The following L3HYPDH variants were observed in gnomAD, a reference collection of about 807,000 sequenced individuals.
L3HYPDH encodes trans-3-hydroxy-L-proline dehydratase.
L3HYPDH carries 32 observed loss-of-function variants against 26.5 expected under a neutral mutation model. The ratio of observed to expected loss-of-function variants is 1.21; its 90% confidence interval spans 0.91 to 1.62. The LOEUF is 1.62. L3HYPDH is among the 40% of genes most tolerant of loss of function. The pLI is 0.00. For synonymous variants in L3HYPDH, 215 were observed against 196.6 expected (o/e 1.09, Z -0.78); for missense variants, 554 against 476.4 (o/e 1.16, Z -1.52).
At chr14:59,490,843 G>A in the L3HYPDH span, among the ~76,000 whole-genome samples, 1 of 152,198 alleles carries the variant, frequency 6.6e-6, no homozygotes, top group East Asian at 1.9e-4. Context: ...TCAGCCCACA[G>A]TAAAGAAGAG....
the L3HYPDH span, chr14:59,503,992 A>G: frequency 1.9e-6 from 3 of 1,613,824 alleles, no homozygotes; most frequent in Middle Eastern, 3.3e-4. Flanking sequence ...TTTGGTACCT[A>G]CACCAGCCCT....
intron 1 of L3HYPDH, among the ~76,000 whole-genome samples, chr14:59,479,602 G>T (rs918192318): frequency 1.3e-5 from 2 of 152,106 alleles, no homozygotes; most frequent in African/African-American, 4.8e-5. Flanking sequence ...AACTCATACA[G>T]ACATATTCAT....
At chr14:59,485,086 C>G (rs755101977), upstream of L3HYPDH, 23 of 1,598,292 alleles carry the variant, frequency 1.4e-5, no homozygotes, top group Admixed American at 1.2e-4. Context: ...AGGAGAAATT[C>G]AACAGTCGCT....
At chr14:59,486,517 A>G (rs1314380588), upstream of L3HYPDH, among the ~76,000 whole-genome samples, 2 of 152,254 alleles carry the variant, frequency 1.3e-5, no homozygotes, top group Non-Finnish European at 2.9e-5. Flanking sequence ...ATTAACAGCA[A>G]GGTTCCAGGA....
At chr14:59,475,826 T>C (rs1358293997) in intron 4 of L3HYPDH, 43 bp downstream of exon 4, 1 of 1,574,846 alleles carries the variant, frequency 6.3e-7, no homozygotes, top group Non-Finnish European at 8.6e-7. Context: ...TCCAGTCTCA[T>C]GAGTGACACA....
the L3HYPDH span, among the ~76,000 whole-genome samples, chr14:59,493,343 A>G: frequency 2.0e-5 from 3 of 152,220 alleles, no homozygotes; most frequent in Non-Finnish European, 2.9e-5. Flanking sequence ...TACTGCAGCC[A>G]TGTGAGTTAG....
At position 59,484,336 on chromosome 14, in the gene L3HYPDH, G is replaced by C. The variant is rs774529631; in HGVS notation, c.-20C>G. 3 of 1,567,380 alleles carry C rather than the reference G, an allele frequency of 1.9e-6. No homozygotes were observed. Among genetic ancestry groups the C allele is most frequent in the South Asian group, 1.2e-5 (1 of 86,142 alleles). On this transcript the variant is annotated 5_prime_UTR_variant, in exon 1 of 5. Transcript: ENST00000247194. ...CTCCATGGTCTGCGTCGGGGGAGAC[G>C]AGTACGGTCCCGCAGCTATGGCTTC...
rs1278008780 is a variant in L3HYPDH at position 59,478,110 on chromosome 14, A to T, written c.678+1072T>A. On this transcript the variant is annotated intron_variant, in intron 2 of 4. Transcript: ENST00000247194. The stretch of plus-strand genomic sequence containing the variant: ...AGGAATTAATGTTCTCTATGAAATA[A>T]GAAAAAGGCTTAAATCTATTCTGTA... Among the ~76,000 whole-genome samples, 3 of 152,246 alleles carry T rather than the reference A, an allele frequency of 2.0e-5. 1 individual carries two copies. The highest frequency in any genetic ancestry group is 7.2e-5 in the African/African-American group (3 of 41,468).
the L3HYPDH span, among the ~76,000 whole-genome samples, chr14:59,494,495 CT>C: frequency 6.6e-6 from 1 of 152,120 alleles, no homozygotes; most frequent in South Asian, 2.1e-4. Flanking sequence ...ATAAGCAAAA[CT>C]AACCAGAATA....
At chr14:59,470,617 G>C (rs566873295), downstream of L3HYPDH, among the ~76,000 whole-genome samples, 1 of 152,166 alleles carries the variant, frequency 6.6e-6, no homozygotes, top group Non-Finnish European at 1.5e-5. Flanking sequence ...AGGGACTAGA[G>C]TTGCCTGTTC....
chr14:59,496,966 AAG>A, the L3HYPDH span, among the ~76,000 whole-genome samples: 15,517 of 151,774 alleles, frequency 0.1, 879 homozygotes, highest in African/African-American at 0.12. Flanking sequence ...AGCACTTCCG[AAG>A]GTTGTAGGGC....
chr14:59,483,076 A>T (rs1483127212), intron 1 of L3HYPDH, among the ~76,000 whole-genome samples: 1 of 152,228 alleles, frequency 6.6e-6, no homozygotes, highest in Non-Finnish European at 1.5e-5. Flanking sequence ...CAATAGGCCT[A>T]GGGAACTTTA....
chr14:59,473,157 G>C, intron 4 of L3HYPDH, 67 bp from the exon 5 acceptor site: 1 of 1,428,814 alleles, frequency 7.0e-7, no homozygotes, highest in Non-Finnish European at 9.4e-7. Flanking sequence ...CTTGAAAACT[G>C]TACTCTTGAC....
At chr14:59,470,491 T>A (rs183534719), downstream of L3HYPDH, among the ~76,000 whole-genome samples, 18 of 152,252 alleles carry the variant, frequency 1.2e-4, no homozygotes, top group African/African-American at 3.6e-4. Flanking sequence ...GAGTTCATGA[T>A]GAAGAGGAGA....
chr14:59,475,762 ATTCTC>A, intron 4 of L3HYPDH, 102 bp downstream of exon 4: 1 of 1,200,198 alleles, frequency 8.3e-7, no homozygotes. Context: ...CTGCTTTAAA[ATTCTC>A]TTCTGAGAGC....
intron 1 of L3HYPDH, among the ~76,000 whole-genome samples, chr14:59,480,508 G>A (rs1004181862): frequency 6.6e-6 from 1 of 152,182 alleles, no homozygotes; most frequent in Non-Finnish European, 1.5e-5. Flanking sequence ...TCAGGAAAGG[G>A]GACAACACAT....
chr14:59,502,764 T>TGTTTTG, the L3HYPDH span, among the ~76,000 whole-genome samples: 1 of 130,468 alleles, frequency 7.7e-6, no homozygotes, highest in Non-Finnish European at 1.6e-5. Flanking sequence ...TTTTTTTTTT[T>TGTTTTG]TTTTTTTTTC....
chr14:59,484,798 C>G (rs1214805256), upstream of L3HYPDH: 4 of 902,176 alleles, frequency 4.4e-6, no homozygotes, highest in Non-Finnish European at 6.5e-6. Flanking sequence ...GGGAGGCGCG[C>G]TGTCTGCGGC....
chr14:59,489,314 C>A (rs770646365), upstream of L3HYPDH, among the ~76,000 whole-genome samples: 3 of 152,192 alleles, frequency 2.0e-5, no homozygotes, highest in Admixed American at 6.5e-5. Flanking sequence ...CACTAGATAC[C>A]CTAAGTCATC....
Sources: gnomAD v4.1 joint callset for allele counts (sites outside exome capture counted in the v4.1 genomes callset) on GRCh38, gnomAD v4.1.1 for gene constraint, MANE v1.5 for transcripts, NCBI Gene and HGNC (gene_info 2026-07-23, HGNC 2026-07-21) for gene names.